Variants in CUL9 observed in about 807,000 individuals in gnomAD.
CUL9 encodes cullin 9.
CUL9 carries 79 observed loss-of-function variants against 272.6 expected under a neutral mutation model. That is an observed-to-expected ratio of 0.29 (90% CI 0.24 to 0.35). CUL9 has a LOEUF of 0.35. Among genes scored for constraint, CUL9 ranks in the 10% least tolerant of loss-of-function variants. CUL9 has a pLI of 1.00. For synonymous variants in CUL9, 1,186 were observed against 1,286.5 expected (o/e 0.92, Z 1.67); for missense variants, 2,532 against 3,255.6 (o/e 0.78, Z 5.41).
chr6:43,191,481 A>ATTTTTTTTTTTTTTTTTTTTTTT lies in CUL9; in HGVS notation c.2181-1518_2181-1496dup, dbSNP rs34090146. On this transcript the variant is annotated intron_variant, in intron 8 of 40. Coordinates refer to ENST00000252050, the MANE Select transcript of CUL9 (RefSeq NM_015089.4). ...AGGAATGAGCCACCACACCCAGCTAATTTTTTTTTTTTTTTTTTTTTTTTA... is the reference window on the plus strand; with the variant it reads ...AGGAATGAGCCACCACACCCAGCTAATTTTTTTTTTTTTTTTTTTTTTTTTTTTTTTTTTTTTTTTTTTTTTTA... 1.0e-4 allele frequency among the ~76,000 whole-genome samples: 10 copies of ATTTTTTTTTTTTTTTTTTTTTTT among 97,450 alleles called. 1 individual carries two copies. Among genetic ancestry groups the ATTTTTTTTTTTTTTTTTTTTTTT allele is most frequent in the African/African-American group, 4.1e-4 (8 of 19,744 alleles). 63.9% of individuals were successfully genotyped at this position (97,450 alleles called of 152,430 possible). A position where few individuals can be genotyped will look rare whatever the true frequency, so the allele number is the denominator to read the frequency against.
intron 8 of CUL9, among the ~76,000 whole-genome samples, chr6:43,190,522 C>T (rs1020999695): frequency 6.6e-6 from 1 of 151,930 alleles, no homozygotes; most frequent in African/African-American, 2.4e-5. Context: ...ATTATCTGAT[C>T]ATATTCAAGT....
intron 9 of CUL9, among the ~76,000 whole-genome samples, 187 bp downstream of exon 9, chr6:43,193,395 G>A (rs77818628): frequency 0.067 from 10,154 of 152,180 alleles, 430 homozygotes; most frequent in Non-Finnish European, 0.094. Flanking sequence ...AGGGAAAAGG[G>A]AGTTTTGGGG....
At chr6:43,214,103 A>G (rs1775741504) in intron 29 of CUL9, among the ~76,000 whole-genome samples, 191 bp downstream of exon 29, 1 of 152,252 alleles carries the variant, frequency 6.6e-6, no homozygotes, top group African/African-American at 2.4e-5. Flanking sequence ...ACCAGGCCCT[A>G]TGCTAAGAGT....
chr6:43,209,192 C>T lies in CUL9; in HGVS notation c.5212+2682C>T, dbSNP rs566696316. Among the ~76,000 whole-genome samples the T allele has an allele frequency of 2.0e-5, 3 of 147,328 alleles. No homozygotes were observed. The East Asian group carries it at 6.0e-4, about 30-fold the overall frequency. Reference sequence around the variant, plus strand: ...ACGGAGTCTCACTGTGTCGCCCAGGCTGGAGTGTAGTGGCGTGATCTCAGC... The same window carrying T: ...ACGGAGTCTCACTGTGTCGCCCAGGTTGGAGTGTAGTGGCGTGATCTCAGC... On this transcript the variant is annotated intron_variant, in intron 26 of 40. Transcript: ENST00000252050.
At chr6:43,222,286 C>T in intron 35 of CUL9, 30 bp from the exon 36 acceptor site, 1 of 1,601,794 alleles carries the variant, frequency 6.2e-7, no homozygotes, top group Non-Finnish European at 8.6e-7. Context: ...AACAAAACAC[C>T]CAATAGCCCT....
In CUL9 at chr6:43,186,325, G is replaced by T; in HGVS notation, c.1121G>T (p.Gly374Val). The T allele has an allele frequency of 6.2e-7, 1 of 1,614,248 alleles. No individual in the cohort carries two copies. Among genetic ancestry groups the T allele is most frequent in the East Asian group, 2.2e-5 (1 of 44,888 alleles). ...RQRSEFSSRS[G>V]YGEYVQQTLQ... ...CGCTCTGAATTCTCCAGCCGTAGTGGCTATGGAGAATATGTGCAGCAGACA... is the reference window on the plus strand; with the variant it reads ...CGCTCTGAATTCTCCAGCCGTAGTGTCTATGGAGAATATGTGCAGCAGACA... The change falls in exon 4 of 41, where the codon GGC becomes GTC. Residue 374 changes from glycine to valine, a missense_variant. By Grantham distance (109) the Gly-to-Val change is moderately radical (BLOSUM62 -3). Transcript: ENST00000252050.
In CUL9 at chr6:43,205,406, T is replaced by G. The variant is rs200955622; in HGVS notation, c.4776T>G (p.Thr1592=). Reference sequence around the variant, plus strand: ...TTTCTGGTCTGGAACTGGCCACAACTTTTGAGCACTTCTATCAGTGAGTGC... The same window carrying G: ...TTTCTGGTCTGGAACTGGCCACAACGTTTGAGCACTTCTATCAGTGAGTGC... ...MVLSGLELAT[T]FEHFYQHYMA... Residue 1592 remains threonine, a synonymous_variant, in exon 24 of 41, where the codon ACT becomes ACG. Coordinates refer to ENST00000252050, the MANE Select transcript of CUL9 (RefSeq NM_015089.4). 9 of 1,614,002 alleles carry G rather than the reference T, an allele frequency of 5.6e-6. No homozygotes were observed. The East Asian group carries it at 2.0e-4, about 36-fold the overall frequency.
rs34090146 is a variant in CUL9 at position 43,191,481 on chromosome 6, A to ATTTTTTT, written c.2181-1502_2181-1496dup. On this transcript the variant is annotated intron_variant, in intron 8 of 40. Transcript: ENST00000252050. ...AGGAATGAGCCACCACACCCAGCTA[A>ATTTTTTT]TTTTTTTTTTTTTTTTTTTTTTTTA... is the stretch of plus-strand genomic sequence containing the variant. Among the ~76,000 whole-genome samples the ATTTTTTT allele has an allele frequency of 1.6e-3, 152 of 97,434 alleles. 5 individuals are homozygous for ATTTTTTT. Among genetic ancestry groups the ATTTTTTT allele is most frequent in the African/African-American group, 6.4e-3 (126 of 19,734 alleles). The allele number at this position is 97,434 out of a possible 152,430, so 63.9% of individuals were successfully genotyped here.
intron 16 of CUL9, 32 bp from the exon 17 acceptor site, chr6:43,202,684 C>T: frequency 1.3e-6 from 2 of 1,596,950 alleles, no homozygotes; most frequent in Non-Finnish European, 8.6e-7. Context: ...TCCAGAGGCC[C>T]AGCTTTGACT....
At position 43,224,263 on chromosome 6, in the gene CUL9, T is replaced by C. The variant is rs1776628012; in HGVS notation, c.7372T>C (p.Ser2458Pro). The change falls in exon 41 of 41, where the codon TCA (serine) becomes CCA (proline). Residue 2458 changes from serine to proline, a missense_variant. By Grantham distance (74) the Ser-to-Pro change is moderately conservative. Around this residue, in one of 3 missense-constraint regions of CUL9, gnomAD observed 237 missense variants for 305.9 expected, o/e 0.77. Coordinates refer to ENST00000252050, the MANE Select transcript of CUL9 (RefSeq NM_015089.4). The surrounding 1 kb of genome is among the most constrained non-coding windows in gnomAD (Gnocchi z 4.2). ...NMPGSQPQAS[S>P]GPEAEEEEED... Reference sequence around the variant, plus strand: ...GGCTCTCCCTAGGCCCCAGGCCTCCTCAGGGCCAGAGGCAGAAGAGGAGGA... The same window carrying C: ...GGCTCTCCCTAGGCCCCAGGCCTCCCCAGGGCCAGAGGCAGAAGAGGAGGA... 1 of 1,614,134 alleles carries C rather than the reference T, an allele frequency of 6.2e-7. No individual in the cohort carries two copies. The highest frequency in any genetic ancestry group is 1.1e-5 in the South Asian group (1 of 91,082).
chr6:43,212,229 T>A (rs1409761689), intron 26 of CUL9, among the ~76,000 whole-genome samples: 1 of 152,274 alleles, frequency 6.6e-6, no homozygotes, highest in Non-Finnish European at 1.5e-5. Flanking sequence ...GGAGGCAGGT[T>A]CAGCCTGTCT....
intron 26 of CUL9, among the ~76,000 whole-genome samples, chr6:43,209,755 C>G (rs1775329309): frequency 6.6e-6 from 1 of 151,942 alleles, no homozygotes. Context: ...AAGTGATTCT[C>G]CTGCCTCAGC....
At chr6:43,188,775 G>A in intron 8 of CUL9, 60 bp downstream of exon 8, 1 of 1,390,082 alleles carries the variant, frequency 7.2e-7, no homozygotes, top group Non-Finnish European at 9.8e-7. Flanking sequence ...GATGGTGGTA[G>A]CGGGGAAGGA....
In CUL9 at chr6:43,222,326, C is replaced by T; in HGVS notation, c.6857C>T (p.Ala2286Val). The T allele has an allele frequency of 1.9e-6, 3 of 1,614,084 alleles. No homozygotes were observed. Among genetic ancestry groups the T allele is most frequent in the Non-Finnish European group, 2.5e-6 (3 of 1,179,960 alleles). ...YYNCSAMVSK[A>V]ARQEKRFQDY... ...ACGTATCCTTGCTAGGTAAGCAAGG[C>T]AGCTCGCCAGGAGAAGCGGTTTCAG... is the stretch of plus-strand genomic sequence containing the variant. Residue 2286 changes from alanine (A) to valine (V), a missense_variant, in exon 36 of 41, where the codon GCA (alanine) becomes GTA (valine). Transcript: ENST00000252050.
rs1774229182 is a variant in CUL9 at position 43,198,648 on chromosome 6, C to G, written c.2843C>G (p.Pro948Arg). Reference sequence around the variant, plus strand: ...ATCATCCAGGGTCAGGATGGGTCCCCTGAGCTACTGATTCGATCCCTGGTT... The same window carrying G: ...ATCATCCAGGGTCAGGATGGGTCCCGTGAGCTACTGATTCGATCCCTGGTT... ...TPIIQGQDGS[P>R]ELLIRSLVGG... The change falls in exon 12 of 41, where the codon CCT becomes CGT. Residue 948 changes from proline to arginine, a missense_variant. Coordinates refer to ENST00000252050, the MANE Select transcript of CUL9 (RefSeq NM_015089.4). 1 of 1,614,160 alleles carries G rather than the reference C, an allele frequency of 6.2e-7. No individual in the cohort carries two copies. The highest frequency in any genetic ancestry group is 8.5e-7 in the Non-Finnish European group (1 of 1,180,022).
chr6:43,184,281 C>T lies in CUL9; in HGVS notation c.-9-21C>T, dbSNP rs374148291. On this transcript the variant is annotated intron_variant, in intron 1 of 40. Coordinates refer to ENST00000252050, the MANE Select transcript of CUL9 (RefSeq NM_015089.4). The surrounding 1 kb of genome is among the most constrained non-coding windows in gnomAD (Gnocchi z 4.8). ...TTTTTCTTTTCTCATACTGCCTTAT[C>T]TTTCTCCTTGTGTATCCCAGGAGGT... 1.8e-4 allele frequency: 263 copies of T among 1,426,094 alleles called. 1 individual carries two copies. In the African/African-American group the frequency reaches 2.7e-3, roughly 15 times the overall value. The allele number at this position is 1,426,094 out of a possible 1,614,324, so 88.3% of individuals were successfully genotyped here. A position where few individuals can be genotyped will look rare whatever the true frequency, so the allele number is the denominator to read the frequency against.
At chr6:43,185,419 G>A (rs766695841) in intron 2 of CUL9, 37 bp from the exon 3 acceptor site, 1 of 1,600,818 alleles carries the variant, frequency 6.2e-7, no homozygotes, top group East Asian at 2.2e-5. Context: ...AAGTACTGGG[G>A]ATTGAGGAGA....
In CUL9 at chr6:43,205,430, G is replaced by A; in HGVS notation, c.4793+7G>A. On this transcript the variant is annotated splice_region_variant and intron_variant, in intron 24 of 40. Coordinates refer to ENST00000252050, the MANE Select transcript of CUL9 (RefSeq NM_015089.4). ...CTTTTGAGCACTTCTATCAGTGAGT[G>A]CAGGTCTGGAGGCATAGGGGATGGG... The A allele has an allele frequency of 6.2e-7, 1 of 1,612,916 alleles. No homozygotes were observed. Among genetic ancestry groups the A allele is most frequent in the Non-Finnish European group, 8.5e-7 (1 of 1,178,938 alleles).
In CUL9 at chr6:43,221,385, AG is replaced by A. The variant is rs989712742; in HGVS notation, c.6752+70del. ...AGGGGGGAGGAGGCCTGGCAGAAGG[AG>A]GGGGGAACGGGCTTAGTGTAAAGCT... is the stretch of plus-strand genomic sequence containing the variant. On this transcript the variant is annotated intron_variant, in intron 34 of 40. Transcript: ENST00000252050. The surrounding 1 kb of genome is among the most constrained non-coding windows in gnomAD (Gnocchi z 4.2). 6.1e-6 allele frequency: 6 copies of A among 989,928 alleles called. No homozygotes were observed. Among genetic ancestry groups the A allele is most frequent in the Non-Finnish European group, 8.8e-6 (6 of 682,946 alleles). 61.3% of individuals were successfully genotyped at this position (989,928 alleles called of 1,614,324 possible).
Sources: allele counts gnomAD v4.1 joint callset (sites outside exome capture counted in the v4.1 genomes callset), GRCh38; gene constraint gnomAD v4.1.1; regional missense constraint gnomAD v4.1.1; non-coding constraint Gnocchi (gnomAD v3.1); transcripts MANE v1.5; gene names NCBI Gene and HGNC (gene_info 2026-07-23, HGNC 2026-07-21).